RBFOX1: variants seen among roughly 807,000 people sequenced by gnomAD.
RBFOX1 encodes the protein RNA binding fox-1 homolog 1.
Under a neutral mutation model 57.7 loss-of-function variants are expected in RBFOX1, and 8 were observed. The observed-to-expected ratio is 0.14, with a 90% confidence interval of 0.08 to 0.25. The LOEUF (loss-of-function observed/expected upper bound fraction) is 0.25. Among genes scored for constraint, RBFOX1 ranks in the 10% least tolerant of loss-of-function variants. The pLI is 1.00. For missense variants in RBFOX1, 611 were observed against 548.5 expected (o/e 1.11, Z -1.14); for synonymous variants, 326 against 222.4 (o/e 1.47, Z -4.15).
chr16:7,391,710 C>T (rs146163957), intron 4 of RBFOX1, among the ~76,000 whole-genome samples: 1 of 152,138 alleles, frequency 6.6e-6, no homozygotes, highest in Non-Finnish European at 1.5e-5. Context: ...CAGATGAGGA[C>T]CAAATGTGTT....
intron 4 of RBFOX1, among the ~76,000 whole-genome samples, chr16:7,366,883 G>C (rs1179346618): frequency 6.6e-6 from 1 of 152,092 alleles, no homozygotes; most frequent in Non-Finnish European, 1.5e-5. Flanking sequence ...TAGAGCTTTT[G>C]GGATGTCCTT....
At chr16:7,664,261 C>T (rs187469433) in intron 12 of RBFOX1, among the ~76,000 whole-genome samples, 1 of 152,316 alleles carries the variant, frequency 6.6e-6, no homozygotes, top group Admixed American at 6.5e-5. Flanking sequence ...GCACACAATG[C>T]ACTTGTACAC....
chr16:7,251,485 A>T (rs1232833976), intron 4 of RBFOX1, among the ~76,000 whole-genome samples: 1 of 145,372 alleles, frequency 6.9e-6, no homozygotes, highest in Non-Finnish European at 1.5e-5. Flanking sequence ...GTCTTGGCTC[A>T]CTGCAACCTC....
At chr16:6,252,647 C>G (rs2097627027) in intron 1 of RBFOX1, among the ~76,000 whole-genome samples, 1 of 147,136 alleles carries the variant, frequency 6.8e-6, no homozygotes, top group African/African-American at 2.5e-5. Flanking sequence ...TTTTGGTAAA[C>G]TTCCATTCAT....
intron 12 of RBFOX1, among the ~76,000 whole-genome samples, chr16:7,656,070 T>C (rs955277759): frequency 1.3e-5 from 2 of 152,226 alleles, no homozygotes; most frequent in African/African-American, 4.8e-5. Context: ...AGTTTGGTTA[T>C]AGTGGTGGAT....
At chr16:7,573,342 G>A (rs911742954) in intron 5 of RBFOX1, among the ~76,000 whole-genome samples, 5 of 152,158 alleles carry the variant, frequency 3.3e-5, no homozygotes, top group Non-Finnish European at 4.4e-5. Flanking sequence ...TAGACCTAGA[G>A]AGCCAATGAC....
At chr16:6,089,719 G>C (rs1001084404) in intron 1 of RBFOX1, among the ~76,000 whole-genome samples, 6 of 152,146 alleles carry the variant, frequency 3.9e-5, no homozygotes, top group African/African-American at 1.4e-4. Context: ...AGCACAAACG[G>C]GTAAGTCACT....
intron 3 of RBFOX1, among the ~76,000 whole-genome samples, chr16:6,829,678 TACA>T (rs920196083): frequency 7.9e-5 from 12 of 152,252 alleles, no homozygotes; most frequent in Middle Eastern, 3.4e-3. Context: ...CTTGGCTCAC[TACA>T]ACCTCCGTCT....
intron 4 of RBFOX1, among the ~76,000 whole-genome samples, chr16:7,210,149 A>G (rs2090836124): frequency 6.6e-6 from 1 of 152,174 alleles, no homozygotes; most frequent in South Asian, 2.1e-4. Context: ...TAAGGGTGAT[A>G]ATGATGATGA....
At chr16:5,453,562 G>A (rs1365439441) in intron 1 of RBFOX1, among the ~76,000 whole-genome samples, 6 of 152,058 alleles carry the variant, frequency 3.9e-5, no homozygotes, top group Admixed American at 3.9e-4. Context: ...TTCTGCCTTG[G>A]CTCAGAAGCT....
intron 2 of RBFOX1, among the ~76,000 whole-genome samples, chr16:5,531,538 C>G (rs987338331): frequency 6.6e-6 from 1 of 152,136 alleles, no homozygotes; most frequent in Non-Finnish European, 1.5e-5. Flanking sequence ...TGTGTTTGAG[C>G]CTTGGCTCTG....
intron 4 of RBFOX1, among the ~76,000 whole-genome samples, chr16:7,198,713 C>G (rs964507309): frequency 2.6e-5 from 4 of 152,160 alleles, no homozygotes; most frequent in African/African-American, 7.2e-5. Flanking sequence ...ATAACTAACT[C>G]ACTGCAGCAG....
intron 2 of RBFOX1, among the ~76,000 whole-genome samples, chr16:6,510,116 C>T (rs765105225): frequency 2.6e-5 from 4 of 152,112 alleles, no homozygotes; most frequent in Non-Finnish European, 1.5e-5. Context: ...CTTCCTCTAT[C>T]CTGAGCTCTT....
chr16:6,550,812 C>A (rs541087906), intron 2 of RBFOX1, among the ~76,000 whole-genome samples: 32 of 152,344 alleles, frequency 2.1e-4, no homozygotes, highest in African/African-American at 6.7e-4. Context: ...GTGATTCTTG[C>A]TTCGGCACTT....
At chr16:6,983,024 G>C (rs139005124) in intron 3 of RBFOX1, among the ~76,000 whole-genome samples, 1 of 141,780 alleles carries the variant, frequency 7.1e-6, no homozygotes, top group Non-Finnish European at 1.5e-5. Flanking sequence ...AAAAGGAAAG[G>C]TGTCGAACTG....
chr16:7,327,335 A>G (rs2096624039), intron 4 of RBFOX1, among the ~76,000 whole-genome samples: 1 of 152,236 alleles, frequency 6.6e-6, no homozygotes, highest in African/African-American at 2.4e-5. Flanking sequence ...AGAAAAACGG[A>G]AAATTTGTAT....
intron 3 of RBFOX1, among the ~76,000 whole-genome samples, chr16:6,945,774 C>A (rs528622505): frequency 1.3e-5 from 2 of 152,104 alleles, no homozygotes; most frequent in East Asian, 1.9e-4. Context: ...ACCTGTAATC[C>A]CAGCTACTTC....
At chr16:6,883,397 C>T (rs1259507222) in intron 3 of RBFOX1, among the ~76,000 whole-genome samples, 1 of 152,148 alleles carries the variant, frequency 6.6e-6, no homozygotes, top group African/African-American at 2.4e-5. Flanking sequence ...TCACAGATTT[C>T]AAAATCCAAT....
intron 1 of RBFOX1, among the ~76,000 whole-genome samples, chr16:6,209,910 G>T (rs1248402693): frequency 1.3e-5 from 2 of 152,212 alleles, no homozygotes; most frequent in Non-Finnish European, 2.9e-5. Flanking sequence ...TTAAGCATCT[G>T]CTGCTATTAT....
Sources: allele counts gnomAD v4.1 joint callset (sites outside exome capture counted in the v4.1 genomes callset), GRCh38; gene constraint gnomAD v4.1.1; transcripts MANE v1.5; gene names NCBI Gene and HGNC (gene_info 2026-07-23, HGNC 2026-07-21).